The following LCORL variants were observed in gnomAD, a reference collection of about 807,000 sequenced individuals.
The protein encoded by LCORL is ligand dependent nuclear receptor corepressor like.
A neutral mutation model predicts 141.8 loss-of-function variants in LCORL; 41 were observed. That is an observed-to-expected ratio of 0.29 (90% CI 0.23 to 0.38). The LOEUF (loss-of-function observed/expected upper bound fraction) is 0.38. Ranked by LOEUF, LCORL falls within the 10% of genes least tolerant of loss-of-function variation. The pLI is 1.00. For missense variants in LCORL, 1,759 were observed against 2,035.0 expected, an observed-to-expected ratio of 0.86 and a Z score of 2.61; for synonymous variants, 618 against 694.1, an observed-to-expected ratio of 0.89 and a Z score of 1.72.
chr4:17,972,717 A>G, intron 2 of LCORL, 103 bp downstream of exon 2: 2 of 407,766 alleles, frequency 4.9e-6, no homozygotes, highest in East Asian at 7.8e-5. Context: ...ATTAAATTGG[A>G]TCATAAATTC....
At chr4:17,918,399 CA>C (rs918593331) in intron 4 of LCORL, among the ~76,000 whole-genome samples, 1 of 150,852 alleles carries the variant, frequency 6.6e-6, no homozygotes, top group African/African-American at 2.4e-5. Context: ...ACTTATTAGA[CA>C]AAAAAAACTT....
At chr4:17,909,020 AT>A in intron 5 of LCORL, 73 bp downstream of exon 5, 1 of 1,312,452 alleles carries the variant, frequency 7.6e-7, no homozygotes. Flanking sequence ...CCCTATGAAT[AT>A]AAAAAGTTAT....
intron 7 of LCORL, among the ~76,000 whole-genome samples, chr4:17,858,368 T>C (rs1724603118): frequency 6.6e-6 from 1 of 150,934 alleles, no homozygotes; most frequent in East Asian, 1.9e-4. Flanking sequence ...CAGTGACCTG[T>C]GGGATAAATA....
chr4:17,880,656 AAC>A (rs1428765449), intron 6 of LCORL: 6 of 983,368 alleles, frequency 6.1e-6, no homozygotes, highest in Non-Finnish European at 7.2e-6. Flanking sequence ...ATCACACACC[AAC>A]AGTGTTGTAA....
exon 7 of LCORL, chr4:17,877,972 C>T: frequency 8.1e-7 from 1 of 1,230,596 alleles, no homozygotes; most frequent in East Asian, 3.2e-5. Context: ...AGCCTATATT[C>T]ACAACTACAG....
chr4:17,881,868 A>G (rs1727617475), intron 6 of LCORL: 3 of 984,134 alleles, frequency 3.0e-6, no homozygotes, highest in Non-Finnish European at 3.6e-6. Context: ...AGGGGGAAAT[A>G]TACTAAATAA....
chr4:17,890,447 GA>G (rs1408844178), intron 5 of LCORL, among the ~76,000 whole-genome samples: 25 of 152,004 alleles, frequency 1.6e-4, no homozygotes, highest in Admixed American at 1.6e-3. Context: ...TGTATTTCTA[GA>G]AATACTTTAG....
Position 17,874,490 on chromosome 4 carries a change from A to T in LCORL, c.4500T>A (p.Tyr1500Ter). 2 of 1,233,890 alleles carry T rather than the reference A, an allele frequency of 1.6e-6. No individual in the cohort carries two copies. Among genetic ancestry groups the T allele is most frequent in the East Asian group, 3.2e-5 (1 of 31,662 alleles). The allele number at this position is 1,233,890 out of a possible 1,614,324, so 76.4% of individuals were successfully genotyped here. A position where few individuals can be genotyped will look rare whatever the true frequency, so the allele number is the denominator to read the frequency against. Residue 1500 changes from tyrosine to a stop codon, truncating the protein, a stop_gained, in exon 7 of 8, where the codon TAT becomes TAA. Transcript: ENST00000635767. LOFTEE classifies it high-confidence loss of function. ...ACCAAGTACAGAGTTCATTCAAATC[A>T]TACTTTTTCTGAAAAAGCATTTTTA... is the stretch of plus-strand genomic sequence containing the variant.
chr4:17,883,692 A>T (rs1201434201), intron 6 of LCORL: 2 of 1,495,900 alleles, frequency 1.3e-6, no homozygotes, highest in Non-Finnish European at 1.8e-6. Flanking sequence ...ACACACACAC[A>T]CTCACAAACA....
intron 2 of LCORL, among the ~76,000 whole-genome samples, chr4:17,964,473 T>C (rs1001944706): frequency 3.3e-5 from 5 of 152,160 alleles, no homozygotes; most frequent in Admixed American, 1.3e-4. Flanking sequence ...TATGATTGTA[T>C]GTGATTTAAT....
At chr4:17,902,937 T>A (rs1025389673) in intron 5 of LCORL, among the ~76,000 whole-genome samples, 2 of 152,130 alleles carry the variant, frequency 1.3e-5, no homozygotes, top group Non-Finnish European at 2.9e-5. Flanking sequence ...AATCATTACA[T>A]GGTGGTACAA....
chr4:17,846,351 A>G (rs1419512594), intron 7 of LCORL, among the ~76,000 whole-genome samples: 25 of 152,170 alleles, frequency 1.6e-4, no homozygotes, highest in Admixed American at 1.6e-3. Context: ...TAAGGTTGGT[A>G]TGCTTATCCT....
intron 4 of LCORL, chr4:17,913,002 TGGG>T: frequency 3.1e-6 from 1 of 320,544 alleles, no homozygotes. Context: ...GGGTCCGCTC[TGGG>T]GAGGAGGAGG....
chr4:17,907,212 T>C (rs1279349008), intron 5 of LCORL, among the ~76,000 whole-genome samples: 2 of 152,224 alleles, frequency 1.3e-5, no homozygotes, highest in Admixed American at 6.5e-5. Context: ...CAAGTATTTA[T>C]AGATCACTAT....
intron 4 of LCORL, among the ~76,000 whole-genome samples, chr4:17,913,515 T>C (rs1245205311): frequency 1.3e-5 from 2 of 152,232 alleles, no homozygotes; most frequent in East Asian, 3.8e-4. Context: ...TTTTTTGGAA[T>C]GTTCAAGGCA....
intron 1 of LCORL, among the ~76,000 whole-genome samples, chr4:18,020,367 C>T (rs1002509850): frequency 6.6e-6 from 1 of 152,014 alleles, no homozygotes; most frequent in East Asian, 1.9e-4. Flanking sequence ...AAGATTCACT[C>T]GCCAGTAGAG....
At chr4:18,003,099 G>A (rs1412402413) in intron 1 of LCORL, among the ~76,000 whole-genome samples, 8 of 152,096 alleles carry the variant, frequency 5.3e-5, no homozygotes, top group Admixed American at 5.2e-4. Flanking sequence ...CAAATTTGGG[G>A]GTGCTATAAT....
intron 7 of LCORL, among the ~76,000 whole-genome samples, chr4:17,846,106 T>G (rs1032891441): frequency 6.6e-6 from 1 of 152,108 alleles, no homozygotes; most frequent in Non-Finnish European, 1.5e-5. Context: ...CCTGTGTAAC[T>G]TGAGAAGTTA....
At chr4:17,917,903 G>A (rs1242993416) in intron 4 of LCORL, among the ~76,000 whole-genome samples, 1 of 152,082 alleles carries the variant, frequency 6.6e-6, no homozygotes, top group Non-Finnish European at 1.5e-5. Context: ...ACTTTAAATT[G>A]CACTATCCTT....
Sources: gnomAD v4.1 joint callset for allele counts (sites outside exome capture counted in the v4.1 genomes callset) on GRCh38, gnomAD v4.1.1 for gene constraint, MANE v1.5 for transcripts, NCBI Gene and HGNC (gene_info 2026-07-23, HGNC 2026-07-21) for gene names.